Variants in TCF12 observed in about 807,000 individuals in gnomAD.
The protein encoded by TCF12 is transcription factor 12.
In TCF12, 45 loss-of-function variants were observed where a neutral mutation model predicts 86.0. That is an observed-to-expected ratio of 0.52 (90% CI 0.41 to 0.67). The LOEUF is 0.67. Ranked by LOEUF, TCF12 falls within the 30% of genes least tolerant of loss-of-function variation. The pLI, the probability that TCF12 is intolerant of heterozygous loss-of-function variation, is 0.00. For synonymous variants in TCF12, 330 were observed against 299.6 expected, an observed-to-expected ratio of 1.10 and a Z score of -1.05; for missense variants, 881 against 859.9, an observed-to-expected ratio of 1.02 and a Z score of -0.31.
chr15:57,053,617 CT>C (rs35913345), intron 3 of TCF12, among the ~76,000 whole-genome samples: 64,942 of 145,056 alleles, frequency 0.45, 15,114 homozygotes, highest in Non-Finnish European at 0.54. Flanking sequence ...AGCCCATCAC[CT>C]TTTTTTTTTT....
At chr15:57,094,488 G>A (rs1381172381) in intron 5 of TCF12, among the ~76,000 whole-genome samples, 1 of 152,198 alleles carries the variant, frequency 6.6e-6, no homozygotes, top group Non-Finnish European at 1.5e-5. Flanking sequence ...ATGAGCTGAA[G>A]TAATTGAACT....
intron 3 of TCF12, among the ~76,000 whole-genome samples, chr15:57,020,617 T>C (rs1201630377): frequency 6.6e-6 from 1 of 152,216 alleles, no homozygotes; most frequent in Non-Finnish European, 1.5e-5. Context: ...TCAAAGCTAA[T>C]ATAACCATCT....
At chr15:57,247,483 G>A in intron 13 of TCF12, 1 of 746,678 alleles carries the variant, frequency 1.3e-6, no homozygotes, top group Non-Finnish European at 2.4e-6. Flanking sequence ...CATTAATAGT[G>A]TGGCATTTCT....
intron 4 of TCF12, among the ~76,000 whole-genome samples, chr15:57,077,745 T>TAAA (rs371836719): frequency 1.4e-5 from 2 of 145,108 alleles, no homozygotes; most frequent in South Asian, 4.3e-4. Flanking sequence ...CTGTAGTTTT[T>TAAA]TAAAAAAAAA....
At position 57,232,696 on chromosome 15, in the gene TCF12, A is replaced by G; in HGVS notation, c.826-16A>G. 6.2e-7 allele frequency: 1 copy of G among 1,607,010 alleles called. No individual in the cohort carries two copies. The highest frequency in any genetic ancestry group is 8.5e-7 in the Non-Finnish European group (1 of 1,177,172). ...TCAGAAAATATATTTAATAGATCAT[A>G]TCTCTTTCCATCTAGAGTTATCCTC... is the stretch of plus-strand genomic sequence containing the variant. On this transcript the variant is annotated splice_polypyrimidine_tract_variant and intron_variant, in intron 10 of 20. Coordinates refer to ENST00000333725, the MANE Select transcript of TCF12 (RefSeq NM_207037.2).
chr15:57,064,795 C>CAAAAAAAAAAAAAAAAAAAAAAAAAAAA (rs1177544594), intron 4 of TCF12, among the ~76,000 whole-genome samples: 1 of 78,066 alleles, frequency 1.3e-5, no homozygotes, highest in African/African-American at 7.3e-5. Flanking sequence ...GACTCCATCT[C>CAAAAAAAAAAAAAAAAAAAAAAAAAAAA]AAAAAAAAAA....
chr15:57,181,454 G>C (rs1306351894), intron 6 of TCF12, among the ~76,000 whole-genome samples: 1 of 151,608 alleles, frequency 6.6e-6, no homozygotes, highest in Non-Finnish European at 1.5e-5. Context: ...TCGCCTCCTA[G>C]CTTACTGAGC....
At position 57,190,377 on chromosome 15, in the gene TCF12, A is replaced by G. The variant is rs2593224; in HGVS notation, c.391-1781A>G. Among the ~76,000 whole-genome samples, 1,294 of 152,298 alleles carry G rather than the reference A, an allele frequency of 8.5e-3. 27 individuals carry two copies. The highest frequency in any genetic ancestry group is 0.029 in the African/African-American group (1,226 of 41,560). On this transcript the variant is annotated intron_variant, in intron 6 of 20. Transcript: ENST00000333725. ...AAAGCTCTGCTCCTGCTTTTTGACC[A>G]GAGCTGAGGTTTTATTTCTCAGTTC...
intron 8 of TCF12, among the ~76,000 whole-genome samples, chr15:57,228,674 C>T (rs892404081): frequency 1.3e-5 from 2 of 151,824 alleles, no homozygotes; most frequent in South Asian, 2.1e-4. Context: ...TATTTAGCAG[C>T]GATTTGTAAA....
intron 18 of TCF12, among the ~76,000 whole-genome samples, chr15:57,268,534 C>A (rs1394429704): frequency 1.3e-5 from 2 of 152,066 alleles, no homozygotes; most frequent in Non-Finnish European, 2.9e-5. Context: ...GTTACAAGCA[C>A]GAGCCACCAT....
intron 19 of TCF12, chr15:57,281,654 A>G (rs538560275): frequency 1.3e-5 from 2 of 152,348 alleles, no homozygotes; most frequent in East Asian, 1.9e-4. Context: ...ATTGTGAACT[A>G]CATATGCAAG....
intron 3 of TCF12, among the ~76,000 whole-genome samples, chr15:56,982,928 TGTTA>T (rs1270626158): frequency 2.0e-5 from 3 of 152,192 alleles, no homozygotes; most frequent in Non-Finnish European, 4.4e-5. Flanking sequence ...ATGTGGTAGG[TGTTA>T]GTTTGGGATT....
intron 18 of TCF12, among the ~76,000 whole-genome samples, chr15:57,265,289 CAT>C (rs554781635): frequency 1.2e-4 from 18 of 152,166 alleles, no homozygotes; most frequent in South Asian, 1.0e-3. Context: ...CATGTCTCCT[CAT>C]GTGGGTTTTC....
intron 5 of TCF12, among the ~76,000 whole-genome samples, chr15:57,092,384 A>G (rs2049047172): frequency 6.6e-6 from 1 of 152,132 alleles, no homozygotes; most frequent in African/African-American, 2.4e-5. Flanking sequence ...TCATACTAGG[A>G]CTTTTTTGAA....
chr15:57,148,820 G>A (rs887352930), intron 5 of TCF12, among the ~76,000 whole-genome samples: 3 of 152,080 alleles, frequency 2.0e-5, no homozygotes, highest in Non-Finnish European at 4.4e-5. Context: ...AGGTTGCAGT[G>A]AGCCAGGACT....
At chr15:57,152,997 C>A (rs760444431) in intron 5 of TCF12, among the ~76,000 whole-genome samples, 2 of 152,178 alleles carry the variant, frequency 1.3e-5, no homozygotes, top group African/African-American at 4.8e-5. Flanking sequence ...CTACAGCAGA[C>A]TTCTCTTCAG....
intron 3 of TCF12, among the ~76,000 whole-genome samples, chr15:56,984,559 TA>T (rs1350904726): frequency 4.6e-5 from 7 of 151,786 alleles, no homozygotes; most frequent in Admixed American, 2.6e-4. Flanking sequence ...AAAATAATGG[TA>T]AAAAAAATTC....
intron 3 of TCF12, among the ~76,000 whole-genome samples, chr15:56,964,173 T>G (rs2061897739): frequency 6.6e-6 from 1 of 152,234 alleles, no homozygotes; most frequent in African/African-American, 2.4e-5. Context: ...AGAACAAGTT[T>G]CGAAGAATGT....
At chr15:56,984,461 A>T (rs977628079) in intron 3 of TCF12, among the ~76,000 whole-genome samples, 2 of 152,180 alleles carry the variant, frequency 1.3e-5, no homozygotes. Flanking sequence ...TAAGCTGATC[A>T]TGAACAAATT....
Sources: allele counts gnomAD v4.1 joint callset (sites outside exome capture counted in the v4.1 genomes callset), GRCh38; gene constraint gnomAD v4.1.1; transcripts MANE v1.5; gene names NCBI Gene and HGNC (gene_info 2026-07-23, HGNC 2026-07-21).